The following MACROD1 variants were observed in gnomAD, a reference collection of about 807,000 sequenced individuals.
MACROD1 encodes the protein ADP-ribose glycohydrolase MACROD1.
In MACROD1, 31 loss-of-function variants were observed where a neutral mutation model predicts 41.4. The ratio of observed to expected loss-of-function variants is 0.75; its 90% confidence interval spans 0.56 to 1.01. The LOEUF (loss-of-function observed/expected upper bound fraction) is 1.01. Among genes scored for constraint, MACROD1 ranks in the 50% least tolerant of loss-of-function variants. The pLI is 0.00. For missense variants in MACROD1, 473 were observed against 460.0 expected (o/e 1.03, Z -0.26); for synonymous variants, 252 against 203.4 (o/e 1.24, Z -2.03).
intron 3 of MACROD1, among the ~76,000 whole-genome samples, chr11:64,114,807 C>T (rs1188922885): frequency 3.3e-5 from 5 of 152,048 alleles, no homozygotes; most frequent in African/African-American, 1.2e-4. Context: ...GGTGGGTGGA[C>T]AGATGGATGG....
intron 3 of MACROD1, among the ~76,000 whole-genome samples, chr11:64,135,676 C>T (rs1369331983): frequency 6.6e-6 from 1 of 152,224 alleles, no homozygotes; most frequent in Non-Finnish European, 1.5e-5. Flanking sequence ...CTCGAGGGGC[C>T]CCTTCTGCAG....
intron 3 of MACROD1, among the ~76,000 whole-genome samples, chr11:64,099,706 G>T (rs1479274924): frequency 6.6e-6 from 1 of 151,464 alleles, no homozygotes; most frequent in African/African-American, 2.4e-5. Flanking sequence ...AGAGTTGGAA[G>T]GATGGAGAGA....
At chr11:64,038,019 G>A (rs79583352) in intron 3 of MACROD1, among the ~76,000 whole-genome samples, 287 of 152,270 alleles carry the variant, frequency 1.9e-3, no homozygotes, top group African/African-American at 5.5e-3. Context: ...TCGGGGGGTC[G>A]GATTTTCCCA....
chr11:64,121,821 C>T (rs627055), intron 3 of MACROD1, among the ~76,000 whole-genome samples: 55,557 of 152,064 alleles, frequency 0.37, 12,552 homozygotes, highest in Non-Finnish European at 0.51. Context: ...CTGATGAGTA[C>T]GTTTTGTGGC....
intron 3 of MACROD1, among the ~76,000 whole-genome samples, chr11:64,040,443 T>C (rs1032713013): frequency 2.0e-5 from 3 of 152,030 alleles, no homozygotes; most frequent in Admixed American, 2.0e-4. Context: ...CTGGGGCTGG[T>C]GGGCTGTCTC....
At chr11:64,107,104 G>A (rs1047857867) in intron 3 of MACROD1, among the ~76,000 whole-genome samples, 1 of 151,924 alleles carries the variant, frequency 6.6e-6, no homozygotes, top group Non-Finnish European at 1.5e-5. Flanking sequence ...GGCTGGTTTT[G>A]AACTCCTGAC....
chr11:64,085,848 TAA>T (rs1440007478), intron 3 of MACROD1, among the ~76,000 whole-genome samples: 20 of 152,102 alleles, frequency 1.3e-4, no homozygotes, highest in Non-Finnish European at 2.8e-4. Context: ...GCAGGAGGAA[TAA>T]GAGATGATGC....
intron 3 of MACROD1, among the ~76,000 whole-genome samples, chr11:64,129,049 G>A (rs1945228322): frequency 6.6e-6 from 1 of 152,262 alleles, no homozygotes; most frequent in Non-Finnish European, 1.5e-5. Context: ...CCCACGTGTG[G>A]CAGCGCCACA....
chr11:64,143,957 C>T (rs915214691), intron 3 of MACROD1, among the ~76,000 whole-genome samples: 1 of 152,082 alleles, frequency 6.6e-6, no homozygotes, highest in African/African-American at 2.4e-5. Context: ...TAACTGCACA[C>T]GGTATGAATG....
At chr11:64,144,691 G>T (rs1945466842) in intron 3 of MACROD1, among the ~76,000 whole-genome samples, 1 of 152,218 alleles carries the variant, frequency 6.6e-6, no homozygotes. Context: ...TTGCTAACAG[G>T]TTCCAGCTGC....
intron 3 of MACROD1, among the ~76,000 whole-genome samples, chr11:64,017,393 GAGA>G (rs1401668690): frequency 1.3e-5 from 2 of 152,122 alleles, no homozygotes; most frequent in African/African-American, 2.4e-5. Context: ...CCATTTTACA[GAGA>G]AGGAGACTGA....
intron 3 of MACROD1, chr11:64,117,153 C>A (rs1945001381): frequency 6.2e-7 from 1 of 1,613,692 alleles, no homozygotes; most frequent in African/African-American, 1.3e-5. Context: ...GATGCGTGAG[C>A]TGGAGCGGCT....
chr11:64,015,551 G>C (rs868050421), intron 3 of MACROD1, among the ~76,000 whole-genome samples: 6 of 152,138 alleles, frequency 3.9e-5, no homozygotes, highest in African/African-American at 7.2e-5. Flanking sequence ...AGACGCATGG[G>C]GGGGTCCAGA....
Position 63,999,429 on chromosome 11 carries a change from G to C in MACROD1, c.818-25C>G, listed in dbSNP as rs769677663. On this transcript the variant is annotated intron_variant, in intron 7 of 10. Transcript: ENST00000255681. ...CCTGAGGCGGGTGGGGCGGGAGTGAGTCCTAGGCTCTGGCCCCGCCCACTC... is the reference window on the plus strand; with the variant it reads ...CCTGAGGCGGGTGGGGCGGGAGTGACTCCTAGGCTCTGGCCCCGCCCACTC... 3 of 1,558,912 alleles carry C rather than the reference G, an allele frequency of 1.9e-6. No homozygotes were observed. The African/African-American group carries it at 4.0e-5, about 21-fold the overall frequency.
At chr11:64,032,397 T>C (rs376747236) in intron 3 of MACROD1, among the ~76,000 whole-genome samples, 42 of 152,138 alleles carry the variant, frequency 2.8e-4, no homozygotes, top group African/African-American at 9.7e-4. Flanking sequence ...CCAGGGCCGA[T>C]GGCTGGTGAG....
intron 3 of MACROD1, among the ~76,000 whole-genome samples, chr11:64,107,059 T>C (rs570605244): frequency 2.2e-4 from 34 of 152,278 alleles, no homozygotes; most frequent in Admixed American, 1.0e-3. Flanking sequence ...AATTTTTGTA[T>C]TTTTAGTAGA....
At chr11:64,104,638 T>C (rs999582785) in intron 3 of MACROD1, among the ~76,000 whole-genome samples, 2 of 151,972 alleles carry the variant, frequency 1.3e-5, no homozygotes, top group African/African-American at 4.8e-5. Context: ...CACAAGTCTA[T>C]ATCAGGGCCC....
At chr11:64,017,843 C>T (rs1161033805) in intron 3 of MACROD1, among the ~76,000 whole-genome samples, 4 of 152,198 alleles carry the variant, frequency 2.6e-5, no homozygotes, top group Admixed American at 1.3e-4. Context: ...GGCTCCTGCT[C>T]AAAGAGGGCA....
chr11:64,123,758 G>A (rs1215277649), intron 3 of MACROD1, among the ~76,000 whole-genome samples: 2 of 152,144 alleles, frequency 1.3e-5, no homozygotes, highest in Non-Finnish European at 2.9e-5. Context: ...TTCTGTTCTG[G>A]GTGGGTCTGT....
Sources: gnomAD v4.1 joint callset for allele counts (sites outside exome capture counted in the v4.1 genomes callset) on GRCh38, gnomAD v4.1.1 for gene constraint, MANE v1.5 for transcripts, NCBI Gene and HGNC (gene_info 2026-07-23, HGNC 2026-07-21) for gene names.